Variants in CHRDL1 observed in about 807,000 individuals in gnomAD.
The protein encoded by CHRDL1 is chordin-like protein 1.
In CHRDL1, 19 loss-of-function variants were observed where a neutral mutation model predicts 40.9. The observed-to-expected ratio is 0.46, with a 90% CI of 0.32 to 0.68. The LOEUF (loss-of-function observed/expected upper bound fraction) is 0.68, where lower values mean the gene tolerates loss of function less well. Ranked by LOEUF, CHRDL1 falls within the 30% of genes least tolerant of loss-of-function variation. The probability of loss-of-function intolerance (pLI) is 0.03; values close to 1 mark genes in which losing one functional copy is unlikely to be tolerated. For missense variants in CHRDL1, 329 were observed against 352.1 expected, an observed-to-expected ratio of 0.93 and a Z score of 0.53; for synonymous variants, 136 against 123.4, an observed-to-expected ratio of 1.10 and a Z score of -0.68.
At chrX:110,695,707 C>CATT (rs201954489) in intron 7 of CHRDL1, among the ~76,000 whole-genome samples, 3 of 110,764 alleles carry the variant, frequency 2.7e-5, no homozygotes, top group Non-Finnish European at 5.7e-5. Context: ...CTGACCATAT[C>CATT]CCATAAAACA....
chrX:110,740,464 C>A (rs2071340890), intron 4 of CHRDL1, among the ~76,000 whole-genome samples: 1 of 112,259 alleles, frequency 8.9e-6, no homozygotes, highest in Non-Finnish European at 1.9e-5. Flanking sequence ...GAACTAAATT[C>A]CCGATGGTGC....
intron 4 of CHRDL1, among the ~76,000 whole-genome samples, chrX:110,732,160 G>A (rs997789322): frequency 1.8e-5 from 2 of 111,453 alleles, no homozygotes; most frequent in African/African-American, 6.5e-5. Context: ...CAAATGGGTA[G>A]AGGGAGTCAA....
intron 2 of CHRDL1, among the ~76,000 whole-genome samples, chrX:110,766,551 A>G (rs1233591226): frequency 1.8e-5 from 2 of 111,804 alleles, no homozygotes; most frequent in Admixed American, 1.9e-4. Flanking sequence ...ATTCAAGACT[A>G]CTATGAACAC....
chrX:110,689,072 G>GTATATATATATATATATA (rs758293619), intron 8 of CHRDL1, among the ~76,000 whole-genome samples: 2 of 31,191 alleles, frequency 6.4e-5, no homozygotes, highest in African/African-American at 4.9e-4. Flanking sequence ...ATATATATAT[G>GTATATATATATATATATA]TATATATATA....
chrX:110,708,983 G>A (rs2070697813), intron 6 of CHRDL1, among the ~76,000 whole-genome samples: 1 of 111,743 alleles, frequency 8.9e-6, no homozygotes, highest in African/African-American at 3.3e-5. Context: ...CAAGTTGAGA[G>A]GCAGTATAAT....
In CHRDL1 at chrX:110,694,243, C is replaced by T. The variant is rs141240795; in HGVS notation, c.698G>A (p.Arg233Gln). 19 of 1,207,378 alleles carry T rather than the reference C, an allele frequency of 1.6e-5. No homozygotes were observed. The highest frequency in any genetic ancestry group is 7.1e-5 in the South Asian group (4 of 56,733). ...LSRFPGARSH[R>Q]GALMDSQQAS... The stretch of plus-strand genomic sequence containing the variant: ...TTGCTGGGAATCCATAAGAGCTCCC[C>T]GGTGACTTCTGGCCCCAGGAAAGCG... Residue 233 changes from arginine to glutamine, a missense_variant, in exon 8 of 12, where the codon CGG becomes CAG. Arg to Gln is a conservative substitution (Grantham distance 43). Coordinates refer to ENST00000372042, the MANE Select transcript of CHRDL1 (RefSeq NM_001143981.2).
chrX:110,689,786 TATATCTATAC>T (rs1429492252), intron 8 of CHRDL1, among the ~76,000 whole-genome samples: 3 of 70,908 alleles, frequency 4.2e-5, no homozygotes, highest in East Asian at 3.4e-4. Flanking sequence ...TATATCTATA[TATATCTATAC>T]ATCTATATAT....
intron 4 of CHRDL1, among the ~76,000 whole-genome samples, chrX:110,729,315 T>C (rs1388171983): frequency 9.5e-6 from 1 of 105,360 alleles, no homozygotes; most frequent in African/African-American, 3.4e-5. Context: ...TTTAGATTTC[T>C]TTTTTTTTTT....
intron 1 of CHRDL1, among the ~76,000 whole-genome samples, chrX:110,792,869 A>C (rs1198789641): frequency 1.8e-5 from 2 of 112,661 alleles, no homozygotes; most frequent in East Asian, 5.5e-4. Flanking sequence ...TGGAAATTTT[A>C]AATGGGCCAT....
At chrX:110,762,607 A>T in intron 3 of CHRDL1, 88 bp downstream of exon 3, 1 of 534,935 alleles carries the variant, frequency 1.9e-6, no homozygotes, top group Non-Finnish European at 3.2e-6. Context: ...GGATTTTATC[A>T]TCCATGGTCC....
At position 110,689,480 on chromosome X, in the gene CHRDL1, ATATC is replaced by A. The variant is rs1227606209; in HGVS notation, c.779-681_779-678del. On this transcript the variant is annotated intron_variant, in intron 8 of 11. Transcript: ENST00000372042. The stretch of plus-strand genomic sequence containing the variant: ...TATCTATATATATCTATATATCTAT[ATATC>A]TATATCTCTATATATCTATATATCT... Among the ~76,000 whole-genome samples the A allele has an allele frequency of 3.8e-4, 14 of 37,243 alleles. 4 individuals carry two copies. In the African/African-American group the frequency reaches 4.5e-3, roughly 12 times the overall value. The allele number at this position is 37,243 out of a possible 115,157, so 32.3% of individuals were successfully genotyped here. A position where few individuals can be genotyped will look rare whatever the true frequency, so the allele number is the denominator to read the frequency against.
rs758854243 is a variant in CHRDL1 at position 110,767,737 on chromosome X, A to G, written c.95-4930T>C. Among the ~76,000 whole-genome samples the G allele has an allele frequency of 2.7e-5, 3 of 111,839 alleles. No individual in the cohort carries two copies. In the East Asian group the frequency reaches 8.4e-4, roughly 31 times the overall value. On this transcript the variant is annotated intron_variant, in intron 2 of 11. Transcript: ENST00000372042. ...GCTGAGAGACATCATAGATGACACA[A>G]ACACATGGAAACACACCCCATGTTC...
intron 4 of CHRDL1, among the ~76,000 whole-genome samples, chrX:110,753,119 C>T (rs1435164494): frequency 1.8e-5 from 2 of 112,046 alleles, no homozygotes; most frequent in African/African-American, 3.2e-5. Flanking sequence ...TCCGTAGCAG[C>T]GTTATTCACA....
At position 110,711,680 on chromosome X, in the gene CHRDL1, A is replaced by G. The variant is rs755942055; in HGVS notation, c.541+8155T>C. 1.3e-4 allele frequency among the ~76,000 whole-genome samples: 14 copies of G among 111,650 alleles called. 1 individual carries two copies. Among genetic ancestry groups the G allele is most frequent in the Admixed American group, 1.1e-3 (12 of 10,436 alleles). On this transcript the variant is annotated intron_variant, in intron 6 of 11. Transcript: ENST00000372042. ...TTTGAAAACTTTGAAAAACTGGTCA[A>G]TTTTTATGATGTTTAAAATCAATGA...
At chrX:110,772,707 A>G (rs984870679) in intron 2 of CHRDL1, among the ~76,000 whole-genome samples, 2 of 112,663 alleles carry the variant, frequency 1.8e-5, no homozygotes, top group African/African-American at 6.5e-5. Flanking sequence ...TGTTAGACAA[A>G]TAGATCAACA....
chrX:110,784,487 C>T (rs986384609), intron 2 of CHRDL1, among the ~76,000 whole-genome samples: 1 of 110,808 alleles, frequency 9.0e-6, no homozygotes, highest in Admixed American at 9.6e-5. Flanking sequence ...TCTCGGCTCA[C>T]TGCAACCTCC....
chrX:110,773,767 T>G (rs1250036865), intron 2 of CHRDL1, among the ~76,000 whole-genome samples: 1 of 109,027 alleles, frequency 9.2e-6, no homozygotes, highest in African/African-American at 3.3e-5. Context: ...TTTCTATTAT[T>G]TTGTGTTTCC....
At position 110,731,935 on chromosome X, in the gene CHRDL1, T is replaced by C. The variant is rs1330837956; in HGVS notation, c.302-10405A>G. ...ATATACTAAAACCAACTTTACAACA[T>C]AAAAGGGTGAATTTTACAGTATGTA... On this transcript the variant is annotated intron_variant, in intron 4 of 11. Transcript: ENST00000372042. Among the ~76,000 whole-genome samples, 3 of 108,100 alleles carry C rather than the reference T, an allele frequency of 2.8e-5. No individual in the cohort carries two copies. In the East Asian group the frequency reaches 8.7e-4, roughly 31 times the overall value. The allele number at this position is 108,100 out of a possible 115,157, so 93.9% of individuals were successfully genotyped here. A position where few individuals can be genotyped will look rare whatever the true frequency, so the allele number is the denominator to read the frequency against.
At chrX:110,698,690 A>T (rs1306854060) in intron 7 of CHRDL1, among the ~76,000 whole-genome samples, 1 of 112,144 alleles carries the variant, frequency 8.9e-6, no homozygotes, top group Non-Finnish European at 1.9e-5. Context: ...CTGTCAATGA[A>T]GCTGAAAGAT....
Sources: gnomAD v4.1 joint callset for allele counts (sites outside exome capture counted in the v4.1 genomes callset) on GRCh38, gnomAD v4.1.1 for gene constraint, MANE v1.5 for transcripts, NCBI Gene and HGNC (gene_info 2026-07-23, HGNC 2026-07-21) for gene names.